Variants in PARD3 observed in about 807,000 individuals in gnomAD.
PARD3 encodes the protein par-3 family cell polarity regulator, also known as partitioning defective 3 homolog.
In PARD3, 75 loss-of-function variants were observed where a neutral mutation model predicts 155.4. The ratio of observed to expected loss-of-function variants is 0.48; its 90% CI spans 0.40 to 0.58. PARD3 has a LOEUF of 0.58. PARD3 is among the 20% of genes least tolerant of loss of function. The pLI, the probability that PARD3 is intolerant of heterozygous loss-of-function variation, is 0.00. For synonymous variants in PARD3, 576 were observed against 610.5 expected (o/e 0.94, Z 0.83); for missense variants, 1,642 against 1,721.7 (o/e 0.95, Z 0.82).
rs982396524 is a variant in PARD3, at chr10:34,352,809, G to A, written c.2068-4694C>T. ...GAGCCTCTCTGCCTGGTCGCCCATC[G>A]TCTGGGATGTGACGAGCCCCTCTGC... is the stretch of plus-strand genomic sequence containing the variant. On this transcript the variant is annotated intron_variant, in intron 14 of 24. Transcript: ENST00000374788. 9.9e-5 allele frequency among the ~76,000 whole-genome samples: 15 copies of A among 151,660 alleles called. No homozygotes were observed. In the South Asian group the frequency reaches 1.0e-3, roughly 11 times the overall value.
intron 1 of PARD3, among the ~76,000 whole-genome samples, chr10:34,719,777 T>G (rs956219105): frequency 6.6e-6 from 1 of 152,226 alleles, no homozygotes; most frequent in African/African-American, 2.4e-5. Context: ...CATATTACAA[T>G]GTAGTGATGA....
chr10:34,194,688 T>C (rs1442227293), intron 22 of PARD3, among the ~76,000 whole-genome samples: 1 of 149,734 alleles, frequency 6.7e-6, no homozygotes, highest in Non-Finnish European at 1.5e-5. Flanking sequence ...AGGTGGATAA[T>C]GGGGAGATGG....
chr10:34,769,399 A>G (rs1396309385), intron 1 of PARD3, among the ~76,000 whole-genome samples: 1 of 152,148 alleles, frequency 6.6e-6, no homozygotes, highest in Non-Finnish European at 1.5e-5. Flanking sequence ...CGACACTGCC[A>G]AAAAACACAG....
At chr10:34,798,182 A>G (rs1159087290) in intron 1 of PARD3, among the ~76,000 whole-genome samples, 1 of 151,972 alleles carries the variant, frequency 6.6e-6, no homozygotes, top group African/African-American at 2.4e-5. Context: ...ATGCTTAATG[A>G]GCTGGGCATG....
chr10:34,309,418 CA>C (rs1339923221), intron 20 of PARD3, among the ~76,000 whole-genome samples: 1 of 151,632 alleles, frequency 6.6e-6, no homozygotes, highest in African/African-American at 2.4e-5. Flanking sequence ...AAGTAGTAGG[CA>C]CAGTGGTGCA....
rs114084286 is a variant in PARD3 at position 34,178,190 on chromosome 10, G to C, written c.3420-46607C>G. On this transcript the variant is annotated intron_variant, in intron 22 of 24. Transcript: ENST00000374788. ...GGGATAAAAGATGCATTGTGAATAA[G>C]CTAAGCCTTCTCTAATAAAATGAAC... Among the ~76,000 whole-genome samples, 449 of 152,280 alleles carry C rather than the reference G, an allele frequency of 2.9e-3. 4 individuals are homozygous for C. Among genetic ancestry groups the C allele is most frequent in the African/African-American group, 0.01 (435 of 41,544 alleles).
At chr10:34,533,892 C>T (rs2133821906) in intron 2 of PARD3, among the ~76,000 whole-genome samples, 1 of 152,218 alleles carries the variant, frequency 6.6e-6, no homozygotes, top group African/African-American at 2.4e-5. Flanking sequence ...ACATCTACAT[C>T]CACTAGAAAT....
intron 7 of PARD3, among the ~76,000 whole-genome samples, chr10:34,396,159 G>C (rs1389546199): frequency 6.6e-6 from 1 of 152,100 alleles, no homozygotes; most frequent in Non-Finnish European, 1.5e-5. Flanking sequence ...AGATCAACCT[G>C]GCCAACGTGG....
chr10:34,790,916 A>T (rs1462387580), intron 1 of PARD3, among the ~76,000 whole-genome samples: 3 of 152,158 alleles, frequency 2.0e-5, no homozygotes, highest in Admixed American at 2.0e-4. Flanking sequence ...CATCCCTTCC[A>T]TCCCAGCCTC....
intron 2 of PARD3, among the ~76,000 whole-genome samples, chr10:34,521,171 C>T (rs1372574153): frequency 6.6e-6 from 1 of 152,104 alleles, no homozygotes; most frequent in East Asian, 1.9e-4. Context: ...CAATAATTAT[C>T]TCCAGCATTT....
chr10:34,414,053 C>T (rs1821209448), intron 5 of PARD3, among the ~76,000 whole-genome samples: 1 of 151,976 alleles, frequency 6.6e-6, no homozygotes, highest in African/African-American at 2.4e-5. Flanking sequence ...CAAAAACTGG[C>T]TGGGAGTGGT....
intron 2 of PARD3, among the ~76,000 whole-genome samples, chr10:34,592,798 G>A (rs1465679629): frequency 6.6e-6 from 1 of 152,024 alleles, no homozygotes; most frequent in Non-Finnish European, 1.5e-5. Context: ...TAATAATCAT[G>A]CATATTTCAC....
At chr10:34,132,503 A>G (rs1347437497) in intron 22 of PARD3, among the ~76,000 whole-genome samples, 1 of 152,214 alleles carries the variant, frequency 6.6e-6, no homozygotes, top group Non-Finnish European at 1.5e-5. Flanking sequence ...TAAAACATGT[A>G]TCAGGCTCCA....
At chr10:34,345,004 C>T in intron 15 of PARD3, 1 of 985,204 alleles carries the variant, frequency 1.0e-6, no homozygotes, top group Non-Finnish European at 1.2e-6. Flanking sequence ...TTTTTTTAGT[C>T]ACCATGGGTG....
chr10:34,680,783 A>G (rs1355935306), intron 2 of PARD3, among the ~76,000 whole-genome samples: 1 of 139,280 alleles, frequency 7.2e-6, no homozygotes, highest in Non-Finnish European at 1.5e-5. Flanking sequence ...GAATTGAACA[A>G]TGAGATCACA....
intron 2 of PARD3, among the ~76,000 whole-genome samples, chr10:34,579,433 A>G (rs1283530794): frequency 6.6e-6 from 1 of 152,018 alleles, no homozygotes; most frequent in Non-Finnish European, 1.5e-5. Context: ...GGTGCCCTAG[A>G]TGAACTTAGT....
chr10:34,793,324 G>A (rs781673461), intron 1 of PARD3, among the ~76,000 whole-genome samples: 59 of 152,194 alleles, frequency 3.9e-4, no homozygotes, highest in Non-Finnish European at 7.5e-4. Flanking sequence ...GTGAGAGTCA[G>A]TTCTGCCATG....
chr10:34,734,398 C>T (rs1030328374), intron 1 of PARD3, among the ~76,000 whole-genome samples: 11 of 125,622 alleles, frequency 8.8e-5, no homozygotes, highest in Non-Finnish European at 1.6e-4. Context: ...TGCAGTGGCG[C>T]GATCTCAGCT....
chr10:34,280,132 T>C (rs1272521936), intron 21 of PARD3, among the ~76,000 whole-genome samples: 2 of 152,228 alleles, frequency 1.3e-5, no homozygotes, highest in Non-Finnish European at 2.9e-5. Context: ...TTTGGCCAGA[T>C]ATCATAGCTA....
Sources: gnomAD v4.1 joint callset for allele counts (sites outside exome capture counted in the v4.1 genomes callset) on GRCh38, gnomAD v4.1.1 for gene constraint, MANE v1.5 for transcripts, NCBI Gene and HGNC (gene_info 2026-07-23, HGNC 2026-07-21) for gene names.